Variants in DOCK8 observed in about 807,000 individuals in gnomAD.
DOCK8 encodes dedicator of cytokinesis 8.
DOCK8 carries 141 observed loss-of-function variants against 245.6 expected under a neutral mutation model. The observed-to-expected ratio is 0.57, with a 90% CI of 0.50 to 0.66. DOCK8 has a LOEUF of 0.66. Ranked by LOEUF, DOCK8 falls within the 30% of genes least tolerant of loss-of-function variation. DOCK8 has a pLI of 0.00. For missense variants in DOCK8, 2,965 were observed against 2,603.4 expected, an observed-to-expected ratio of 1.14 and a Z score of -3.02; for synonymous variants, 1,168 against 970.2, an observed-to-expected ratio of 1.20 and a Z score of -3.79.
Position 328,038 on chromosome 9 carries a change from A to C in DOCK8, c.911A>C (p.His304Pro). ...KERKKISENF[H>P]CDLNSDQFKG... ...CATTTACAGATCTCAGAAAATTTTC[A>C]CTGTGACCTGAACTCTGACCAGTTC... The change falls in exon 9 of 48, where the codon CAC becomes CCC. Residue 304 changes from histidine (H) to proline (P), a missense_variant. By Grantham distance (77) the His-to-Pro change is moderately conservative. This residue lies in a region of DOCK8 where 2,825 missense variants were observed against 2,453.5 expected (regional missense o/e 1.15). Coordinates refer to ENST00000432829, the MANE Select transcript of DOCK8 (RefSeq NM_203447.4). The C allele has an allele frequency of 6.2e-7, 1 of 1,614,178 alleles. No individual in the cohort carries two copies. Among genetic ancestry groups the C allele is most frequent in the Non-Finnish European group, 8.5e-7 (1 of 1,179,996 alleles).
At chr9:277,465 A>AGAGGGGAGGGGAGGGGAAGG (rs1563865198) in intron 2 of DOCK8, among the ~76,000 whole-genome samples, 5 of 64,672 alleles carry the variant, frequency 7.7e-5, no homozygotes, top group African/African-American at 3.6e-4. Flanking sequence ...AAGAGAGAAG[A>AGAGGGGAGGGGAGGGGAAGG]GAAGAGAAGA....
intron 44 of DOCK8, 142 bp from the exon 45 acceptor site, chr9:449,642 G>A (rs2057368225): frequency 9.8e-7 from 1 of 1,022,956 alleles, no homozygotes; most frequent in Non-Finnish European, 1.5e-6. Flanking sequence ...TTTTTAACCT[G>A]TTAAGAGTAT....
chr9:366,726 G>C (rs556049291), intron 14 of DOCK8, among the ~76,000 whole-genome samples: 4 of 148,922 alleles, frequency 2.7e-5, no homozygotes, highest in African/African-American at 5.2e-5. Flanking sequence ...ATCTCGCTTT[G>C]CCTTGCTCTT....
rs2055045361 is a variant in DOCK8, at chr9:400,987, C to CT, written c.3234+1729dup. 1.6e-5 allele frequency among the ~76,000 whole-genome samples: 2 copies of CT among 125,776 alleles called. 1 individual carries two copies. The highest frequency in any genetic ancestry group is 3.7e-5 in the Non-Finnish European group (2 of 53,448). The allele number at this position is 125,776 out of a possible 152,430, so 82.5% of individuals were successfully genotyped here. On this transcript the variant is annotated intron_variant, in intron 26 of 47. Transcript: ENST00000432829. ...CCACCTCCTCCACCATCACCACCTC[C>CT]TCCACCACCACCACCATTAGCTCCA...
intron 1 of DOCK8, among the ~76,000 whole-genome samples, chr9:230,294 A>G (rs1262912176): frequency 7.9e-6 from 1 of 127,256 alleles, no homozygotes. Flanking sequence ...TTCTTAATCC[A>G]GTCTATCGTT....
chr9:285,258 C>T (rs755185357), intron 2 of DOCK8, among the ~76,000 whole-genome samples: 43 of 152,180 alleles, frequency 2.8e-4, no homozygotes, highest in Non-Finnish European at 4.6e-4. Context: ...CTTATTTCCT[C>T]TTGCCTCTTC....
chr9:337,839 A>G (rs1214997827), intron 12 of DOCK8, among the ~76,000 whole-genome samples: 2 of 152,302 alleles, frequency 1.3e-5, no homozygotes, highest in East Asian at 1.9e-4. Flanking sequence ...TGTGCTTAAC[A>G]CTACTGAATT....
intron 1 of DOCK8, among the ~76,000 whole-genome samples, chr9:239,661 G>C (rs909246710): frequency 6.6e-6 from 1 of 152,120 alleles, no homozygotes; most frequent in Non-Finnish European, 1.5e-5. Flanking sequence ...AAAGTCAGAA[G>C]TGCAGGTAAG....
intron 1 of DOCK8, among the ~76,000 whole-genome samples, chr9:222,947 C>G (rs983038669): frequency 2.0e-5 from 3 of 152,176 alleles, no homozygotes; most frequent in African/African-American, 7.2e-5. Flanking sequence ...GAATCCCTTT[C>G]TATCGCAAAA....
chr9:418,095 G>C lies in DOCK8; in HGVS notation c.3728G>C (p.Ser1243Thr). Residue 1243 changes from serine (S) to threonine (T), a missense_variant, in exon 30 of 48, where the codon AGT becomes ACT. Transcript: ENST00000432829. ...TVADTRRYRT[S>T]GSDEEQEGAG... ...GCAGATACTCGCAGATACCGCACCA[G>C]TGGCTCGGATGAAGAACAAGAAGGA... 6.2e-7 allele frequency: 1 copy of C among 1,614,218 alleles called. No individual in the cohort carries two copies. Among genetic ancestry groups the C allele is most frequent in the Non-Finnish European group, 8.5e-7 (1 of 1,180,034 alleles).
chr9:326,897 G>A (rs1388996159), intron 8 of DOCK8, among the ~76,000 whole-genome samples: 2 of 152,208 alleles, frequency 1.3e-5, no homozygotes, highest in Non-Finnish European at 2.9e-5. Context: ...TGTAGTCTCT[G>A]CCTGGGCAGC....
chr9:421,261 A>G (rs561906902), intron 32 of DOCK8, among the ~76,000 whole-genome samples, 183 bp downstream of exon 32: 17 of 152,338 alleles, frequency 1.1e-4, no homozygotes, highest in African/African-American at 3.1e-4. Context: ...TGTGAGGGAA[A>G]GCGCTGTTCT....
chr9:374,197 C>G (rs1361066303), intron 18 of DOCK8, among the ~76,000 whole-genome samples: 2 of 152,026 alleles, frequency 1.3e-5, no homozygotes, highest in African/African-American at 4.8e-5. Context: ...ATAGATATAC[C>G]CTTAGCCTCT....
In DOCK8 at chr9:334,210, T is replaced by G; in HGVS notation, c.1126-15T>G. 2 of 1,614,146 alleles carry G rather than the reference T, an allele frequency of 1.2e-6. No homozygotes were observed. Reference sequence around the variant, plus strand: ...TGATGCTTGTTTCAGCTTGTTTCTTTCCATTTTCCTCCAGAGTAAAGAAAA... The same window carrying G: ...TGATGCTTGTTTCAGCTTGTTTCTTGCCATTTTCCTCCAGAGTAAAGAAAA... On this transcript the variant is annotated splice_polypyrimidine_tract_variant and intron_variant, in intron 10 of 47. Coordinates refer to ENST00000432829, the MANE Select transcript of DOCK8 (RefSeq NM_203447.4).
upstream of DOCK8, chr9:214,382 C>T: frequency 1.2e-6 from 1 of 807,988 alleles, no homozygotes; most frequent in Admixed American, 2.7e-5. Context: ...TTTAGTGTCT[C>T]AGGAAGGATG....
At chr9:340,772 G>A (rs16932025) in intron 14 of DOCK8, among the ~76,000 whole-genome samples, 2 of 152,094 alleles carry the variant, frequency 1.3e-5, no homozygotes, top group Non-Finnish European at 2.9e-5. Flanking sequence ...GTAACCGTAG[G>A]TGATTGCCAA....
At chr9:353,370 A>G (rs1242391252) in intron 14 of DOCK8, among the ~76,000 whole-genome samples, 2 of 152,222 alleles carry the variant, frequency 1.3e-5, no homozygotes, top group African/African-American at 4.8e-5. Flanking sequence ...GCGTCTGGCA[A>G]TGTTAAAAAC....
At position 376,299 on chromosome 9, in the gene DOCK8, C is replaced by A. The variant is rs768452700; in HGVS notation, c.2199C>A (p.His733Gln). The A allele has an allele frequency of 1.2e-6, 2 of 1,607,820 alleles. No homozygotes were observed. The highest frequency in any genetic ancestry group is 1.7e-6 in the Non-Finnish European group (2 of 1,174,298). Residue 733 changes from histidine to glutamine, a missense_variant, in exon 19 of 48, where the codon CAC becomes CAA. Around this residue, in one of 3 missense-constraint regions of DOCK8, gnomAD observed 2,825 missense variants for 2,453.5 expected, o/e 1.15. Coordinates refer to ENST00000432829, the MANE Select transcript of DOCK8 (RefSeq NM_203447.4). ...AAGTGCAAGCTGTTTCTTCTGTACA[C>A]ACCCAGGTAAGGAATGTCAAGGTTA... ...NIEVQAVSSV[H>Q]TQDNHLEKFF...
rs2056853956 is a variant in DOCK8 at position 435,094 on chromosome 9, G to T, written c.5079+119G>T. The T allele has an allele frequency of 4.2e-6, 5 of 1,177,420 alleles. No homozygotes were observed. In the South Asian group the frequency reaches 5.2e-5, roughly 12 times the overall value. 72.9% of individuals were successfully genotyped at this position (1,177,420 alleles called of 1,614,324 possible). On this transcript the variant is annotated intron_variant, in intron 39 of 47. Coordinates refer to ENST00000432829, the MANE Select transcript of DOCK8 (RefSeq NM_203447.4). Reference sequence around the variant, plus strand: ...CATTTTTGGTTATCACAACTGGGATGGGTGAGTAGGTGCTACTGGCATCTG... The same window carrying T: ...CATTTTTGGTTATCACAACTGGGATTGGTGAGTAGGTGCTACTGGCATCTG...
Sources: allele counts gnomAD v4.1 joint callset (sites outside exome capture counted in the v4.1 genomes callset), GRCh38; gene constraint gnomAD v4.1.1; regional missense constraint gnomAD v4.1.1; transcripts MANE v1.5; gene names NCBI Gene and HGNC (gene_info 2026-07-23, HGNC 2026-07-21).